Variants in RTEL1 observed in about 807,000 individuals in gnomAD.
RTEL1 encodes the protein regulator of telomere elongation helicase 1, also known as regulator of telomere length.
A neutral mutation model predicts 162.2 loss-of-function variants in RTEL1; 86 were observed. The observed-to-expected ratio is 0.53, with a 90% CI of 0.45 to 0.63. RTEL1 has a LOEUF of 0.63. RTEL1 is among the 30% of genes least tolerant of loss of function. RTEL1 has a pLI of 0.00. For synonymous variants in RTEL1, 958 were observed against 717.9 expected, an observed-to-expected ratio of 1.33 and a Z score of -5.35; for missense variants, 1,941 against 1,750.2, an observed-to-expected ratio of 1.11 and a Z score of -1.95.
chr20:63,685,987 A>G, intron 16 of RTEL1, 115 bp downstream of exon 16: 1 of 940,996 alleles, frequency 1.1e-6, no homozygotes, highest in Non-Finnish European at 1.7e-6. Context: ...GGGCCTGGCC[A>G]CCTTCTCCAT....
chr20:63,683,764 G>A (rs940743919), intron 14 of RTEL1, among the ~76,000 whole-genome samples: 24 of 152,098 alleles, frequency 1.6e-4, no homozygotes, highest in Admixed American at 1.5e-3. Flanking sequence ...TTTTTGGCTC[G>A]TTTTCCAGGA....
chr20:63,662,327 C>T, intron 4 of RTEL1: 1 of 851,208 alleles, frequency 1.2e-6, no homozygotes. Context: ...TGTGGCCGGA[C>T]CAGTGGCAGG....
At chr20:63,679,776 T>TGC in intron 12 of RTEL1, 73 bp from the exon 13 acceptor site, 1 of 1,188,486 alleles carries the variant, frequency 8.4e-7, no homozygotes, top group South Asian at 1.2e-5. Flanking sequence ...GAGCCTGCCT[T>TGC]CTTCTCCTCA....
chr20:63,695,630 T>G lies in RTEL1; in HGVS notation c.3802T>G (p.Cys1268Gly), dbSNP rs766712095. 1 of 1,611,624 alleles carries G rather than the reference T, an allele frequency of 6.2e-7. No individual in the cohort carries two copies. The highest frequency in any genetic ancestry group is 8.5e-7 in the Non-Finnish European group (1 of 1,179,884). ...PACDFQRCQA[C>G]WQRHLQASRM... ...CTGTGACTTCCAGCGCTGCCAAGCC[T>G]GCTGGCAACGGCACCTTCAGGTTGG... Residue 1268 changes from cysteine (C) to glycine (G), a missense_variant, in exon 34 of 35, where the codon TGC becomes GGC. Physicochemically the swap from Cys to Gly is radical, Grantham distance 159 (BLOSUM62 -3). Transcript: ENST00000360203.
Position 63,694,345 on chromosome 20 carries a change from C to G in RTEL1, c.2993-27C>G, listed in dbSNP as rs1414997564. 3.8e-6 allele frequency: 6 copies of G among 1,581,452 alleles called. No individual in the cohort carries two copies. In the African/African-American group the frequency reaches 5.4e-5, roughly 14 times the overall value. ...GAACTTTCCAGATGCTCTCGACCAG[C>G]TTTGTGGCTCTACATCTCTTCATCA... On this transcript the variant is annotated intron_variant, in intron 30 of 34. Transcript: ENST00000360203.
intron 9 of RTEL1, among the ~76,000 whole-genome samples, chr20:63,673,175 CGAGGTCAAGAGATCAA>C (rs2090280320): frequency 6.6e-6 from 1 of 151,952 alleles, no homozygotes; most frequent in Non-Finnish European, 1.5e-5. Context: ...GGGCGGATCA[CGAGGTCAAGAGATCAA>C]GACCATCCTG....
chr20:63,693,255 G>C lies in RTEL1; in HGVS notation c.2964G>C (p.Gln988His). Residue 988 changes from glutamine to histidine, a missense_variant, in exon 30 of 35, where the codon CAG (glutamine) becomes CAC (histidine). Transcript: ENST00000360203. Reference protein sequence around the residue: ...YRPEHSIPRRQRAQPVLDPTG... With the variant: ...YRPEHSIPRRHRAQPVLDPTG... Reference sequence around the variant, plus strand: ...CTGAGCACAGCATTCCCCGAAGGCAGCGGGCACAGCCGGTCCTGGACCCCA... The same window carrying C: ...CTGAGCACAGCATTCCCCGAAGGCACCGGGCACAGCCGGTCCTGGACCCCA... The C allele has an allele frequency of 6.2e-7, 1 of 1,611,944 alleles. No individual in the cohort carries two copies. The highest frequency in any genetic ancestry group is 1.1e-5 in the South Asian group (1 of 91,092).
At position 63,691,839 on chromosome 20, in the gene RTEL1, T is replaced by G. The variant is rs1348167894; in HGVS notation, c.2652+2T>G. The G allele has an allele frequency of 6.2e-7, 1 of 1,607,320 alleles. No individual in the cohort carries two copies. Among genetic ancestry groups the G allele is most frequent in the Non-Finnish European group, 8.5e-7 (1 of 1,178,430 alleles). On this transcript the variant is annotated splice_donor_variant, in intron 28 of 34. Coordinates refer to ENST00000360203, the MANE Select transcript of RTEL1 (RefSeq NM_001283009.2). LOFTEE classifies it high-confidence loss of function. ...AAGATCCGGCTGGTCAGCCACCCGG[T>G]GCGTGAGCTGTCCCTGCACCTGTGC... is the stretch of plus-strand genomic sequence containing the variant.
chr20:63,693,412 T>TGGTG, intron 30 of RTEL1, 129 bp downstream of exon 30: 2 of 1,091,722 alleles, frequency 1.8e-6, no homozygotes, highest in Non-Finnish European at 2.6e-6. Context: ...CCTATGGGAG[T>TGGTG]GATGGGGGCC....
Position 63,692,722 on chromosome 20 carries a change from C to G in RTEL1, c.2653-83C>G, listed in dbSNP as rs1254518131. On this transcript the variant is annotated intron_variant, in intron 28 of 34. Transcript: ENST00000360203. Reference sequence around the variant, plus strand: ...GGCAGTCACTGTCCCAGGGAACGCTCAATGTTCCAAGGAAGGCTCTGCAGC... The same window carrying G: ...GGCAGTCACTGTCCCAGGGAACGCTGAATGTTCCAAGGAAGGCTCTGCAGC... The G allele has an allele frequency of 2.2e-6, 3 of 1,357,600 alleles. No homozygotes were observed. In the East Asian group the frequency reaches 7.2e-5, roughly 33 times the overall value. The allele number at this position is 1,357,600 out of a possible 1,614,324, so 84.1% of individuals were successfully genotyped here. A position where few individuals can be genotyped will look rare whatever the true frequency, so the allele number is the denominator to read the frequency against.
At chr20:63,690,483 G>GGGGGGGGGT in intron 26 of RTEL1, 42 bp downstream of exon 26, 1 of 1,281,008 alleles carries the variant, frequency 7.8e-7, no homozygotes, top group Non-Finnish European at 1.1e-6. Context: ...GGGGGTGGCG[G>GGGGGGGGGT]AGCGGGCGGC....
chr20:63,687,051 T>G (rs2090610556), intron 16 of RTEL1: 2 of 153,068 alleles, frequency 1.3e-5, no homozygotes, highest in South Asian at 4.1e-4. Context: ...AGAGTCGTTC[T>G]GCTTGTGCCG....
intron 12 of RTEL1, 81 bp downstream of exon 12, chr20:63,678,427 A>G (rs2090401762): frequency 7.5e-7 from 1 of 1,333,526 alleles, no homozygotes; most frequent in Non-Finnish European, 1.0e-6. Context: ...CTGGGCTGTC[A>G]CATCACGAGT....
In RTEL1 at chr20:63,689,884, C is replaced by A; in HGVS notation, c.2141+19C>A. On this transcript the variant is annotated intron_variant, in intron 24 of 34. Coordinates refer to ENST00000360203, the MANE Select transcript of RTEL1 (RefSeq NM_001283009.2). Reference sequence around the variant, plus strand: ...ACCACAGGTGCGTGCAGTCCGGTGGCAGGCGCGGCGCCAGGGGACACGCCC... The same window carrying A: ...ACCACAGGTGCGTGCAGTCCGGTGGAAGGCGCGGCGCCAGGGGACACGCCC... 6.3e-7 allele frequency: 1 copy of A among 1,594,348 alleles called. No homozygotes were observed. Among genetic ancestry groups the A allele is most frequent in the East Asian group, 2.2e-5 (1 of 44,754 alleles).
In RTEL1 at chr20:63,694,768, G is replaced by C. The variant is rs772914279; in HGVS notation, c.3137G>C (p.Gly1046Ala). Residue 1046 changes from glycine (G) to alanine (A), a missense_variant, in exon 32 of 35, where the codon GGG becomes GCG. Physicochemically the swap from Gly to Ala is moderately conservative, Grantham distance 60 (BLOSUM62 0). Coordinates refer to ENST00000360203, the MANE Select transcript of RTEL1 (RefSeq NM_001283009.2). ...GACCCTGGCAGCCAACCACAGTGGG[G>C]GTCTGGAGTGCCCAGAGCAGGGAAG... ...TGDPGSQPQWGSGVPRAGKQG... is the reference protein window; with the variant it reads ...TGDPGSQPQWASGVPRAGKQG... 1 of 1,610,384 alleles carries C rather than the reference G, an allele frequency of 6.2e-7. No homozygotes were observed. Among genetic ancestry groups the C allele is most frequent in the Non-Finnish European group, 8.5e-7 (1 of 1,178,856 alleles).
intron 7 of RTEL1, among the ~76,000 whole-genome samples, chr20:63,667,061 G>C (rs146155802): frequency 1.4e-4 from 21 of 149,632 alleles, no homozygotes; most frequent in Middle Eastern, 3.6e-3. Flanking sequence ...GGATGGTCTC[G>C]ATCTTCTGAC....
At chr20:63,673,740 G>A (rs976621131) in intron 9 of RTEL1, among the ~76,000 whole-genome samples, 200 bp from the exon 10 acceptor site, 44 of 152,140 alleles carry the variant, frequency 2.9e-4, no homozygotes, top group African/African-American at 1.1e-3. Flanking sequence ...CGCCCGGCCT[G>A]AAACAATCGT....
At chr20:63,662,309 C>T (rs1037552690) in intron 4 of RTEL1, 7 of 732,278 alleles carry the variant, frequency 9.6e-6, no homozygotes, top group South Asian at 5.0e-5. Flanking sequence ...GGTGTTCTGT[C>T]GGGTTCCTGT....
At chr20:63,683,281 G>A (rs1029487983) in intron 14 of RTEL1, among the ~76,000 whole-genome samples, 6 of 152,164 alleles carry the variant, frequency 3.9e-5, no homozygotes, top group African/African-American at 9.7e-5. Flanking sequence ...AAGGCTTTTC[G>A]AAGGAAGCTG....
Sources: allele counts gnomAD v4.1 joint callset (sites outside exome capture counted in the v4.1 genomes callset), GRCh38; gene constraint gnomAD v4.1.1; transcripts MANE v1.5; gene names NCBI Gene and HGNC (gene_info 2026-07-23, HGNC 2026-07-21).